Variants in CPED1 observed in about 807,000 individuals in gnomAD.
CPED1 encodes the protein cadherin like and PC-esterase domain containing 1.
Under a neutral mutation model 128.2 loss-of-function variants are expected in CPED1, and 114 were observed. That is an observed-to-expected ratio of 0.89 (90% CI 0.76 to 1.04). CPED1 has a LOEUF of 1.04. Among genes scored for constraint, CPED1 ranks in the 50% least tolerant of loss-of-function variants. The pLI, the probability that CPED1 is intolerant of heterozygous loss-of-function variation, is 0.00. For missense variants in CPED1, 1,211 were observed against 1,207.1 expected, an observed-to-expected ratio of 1.00 and a Z score of -0.05; for synonymous variants, 462 against 426.7, an observed-to-expected ratio of 1.08 and a Z score of -1.02.
chr7:121,097,741 G>A lies in CPED1; in HGVS notation c.659G>A (p.Gly220Glu). ...AGTCCCTCTGTGTGTCTGGATCAGG[G>A]AATGCAATTAAAGCCGAGTACTTCG... ...PVSPSVCLDQ[G>E]MQLKPSTSSH... The change falls in exon 6 of 23, where the codon GGA becomes GAA. Residue 220 changes from glycine (G) to glutamate (E), a missense_variant. Gly to Glu is a moderately conservative substitution (Grantham distance 98). Transcript: ENST00000310396. 1.9e-6 allele frequency: 3 copies of A among 1,613,824 alleles called. No homozygotes were observed. The highest frequency in any genetic ancestry group is 1.1e-5 in the South Asian group (1 of 91,074).
intron 5 of CPED1, among the ~76,000 whole-genome samples, chr7:121,085,139 T>C (rs1794390042): frequency 6.6e-6 from 1 of 152,200 alleles, no homozygotes; most frequent in Non-Finnish European, 1.5e-5. Context: ...ACACCACTGC[T>C]CATGCCCACC....
chr7:121,088,553 G>T (rs1794492206), intron 5 of CPED1, among the ~76,000 whole-genome samples: 1 of 151,372 alleles, frequency 6.6e-6, no homozygotes, highest in Non-Finnish European at 1.5e-5. Context: ...CAGCTACTCG[G>T]GAGGCTGAGG....
At chr7:121,032,176 G>T (rs1275893868) in intron 3 of CPED1, among the ~76,000 whole-genome samples, 1 of 152,070 alleles carries the variant, frequency 6.6e-6, no homozygotes, top group Non-Finnish European at 1.5e-5. Flanking sequence ...ACATTATAAA[G>T]TATATACCTA....
At chr7:121,125,638 A>G (rs1795484378) in intron 8 of CPED1, among the ~76,000 whole-genome samples, 182 bp from the exon 9 acceptor site, 2 of 151,580 alleles carry the variant, frequency 1.3e-5, no homozygotes, top group Non-Finnish European at 2.9e-5. Flanking sequence ...AAGTACTTGA[A>G]CTCATCCTTT....
At chr7:121,011,835 G>T (rs1792169248) in intron 2 of CPED1, among the ~76,000 whole-genome samples, 1 of 152,030 alleles carries the variant, frequency 6.6e-6, no homozygotes. Context: ...ATGCTTTTTA[G>T]GACATAGATC....
intron 22 of CPED1, among the ~76,000 whole-genome samples, chr7:121,295,095 A>G (rs6944409): frequency 0.016 from 2,351 of 151,318 alleles, 69 homozygotes; most frequent in African/African-American, 0.054. Context: ...TGCCTTTCCT[A>G]TTGTAGTACT....
At chr7:121,106,751 G>A (rs75319793) in intron 7 of CPED1, among the ~76,000 whole-genome samples, 2,769 of 152,174 alleles carry the variant, frequency 0.018, 87 homozygotes, top group African/African-American at 0.063. Flanking sequence ...AGCAAGTGTT[G>A]TTTCTCTGAA....
At position 120,999,247 on chromosome 7, in the gene CPED1, C is replaced by G. The variant is rs1791760319; in HGVS notation, c.249+9377C>G. 5.3e-5 allele frequency among the ~76,000 whole-genome samples: 8 copies of G among 152,130 alleles called. No individual in the cohort carries two copies. The South Asian group carries it at 1.7e-3, about 31-fold the overall frequency. ...CCTTGATCTCTTTACTGTACTATCT[C>G]TTGGACTTCTGGCTAATGGTAATCA... On this transcript the variant is annotated intron_variant, in intron 2 of 22. Coordinates refer to ENST00000310396, the MANE Select transcript of CPED1 (RefSeq NM_024913.5).
chr7:121,136,037 T>C lies in CPED1; in HGVS notation c.1649-3T>C. On this transcript the variant is annotated splice_region_variant and splice_polypyrimidine_tract_variant and intron_variant, in intron 13 of 22. Coordinates refer to ENST00000310396, the MANE Select transcript of CPED1 (RefSeq NM_024913.5). ...TTAAATTTACATTTCTTTTTTTTTT[T>C]AGCTGCAGTTCCACAAATTAAAAAT... is the stretch of plus-strand genomic sequence containing the variant. The C allele has an allele frequency of 1.3e-6, 2 of 1,519,728 alleles. No homozygotes were observed. Among genetic ancestry groups the C allele is most frequent in the Non-Finnish European group, 1.8e-6 (2 of 1,133,390 alleles). The allele number at this position is 1,519,728 out of a possible 1,614,324, so 94.1% of individuals were successfully genotyped here.
At chr7:121,177,199 G>T (rs1157738445) in intron 16 of CPED1, among the ~76,000 whole-genome samples, 1 of 151,986 alleles carries the variant, frequency 6.6e-6, no homozygotes. Context: ...CCTTGTGAGA[G>T]AGATGCAGGT....
At chr7:121,056,380 A>T (rs372089018) in intron 4 of CPED1, among the ~76,000 whole-genome samples, 2 of 152,214 alleles carry the variant, frequency 1.3e-5, no homozygotes, top group East Asian at 3.8e-4. Context: ...AAAGAAAAAA[A>T]CAACAAACAT....
chr7:120,994,824 T>C (rs1169620484), intron 2 of CPED1, among the ~76,000 whole-genome samples: 5 of 152,130 alleles, frequency 3.3e-5, no homozygotes, highest in African/African-American at 1.2e-4. Flanking sequence ...CATAAATACA[T>C]AAGTGTATTA....
At chr7:121,091,876 A>G (rs2116189562) in intron 5 of CPED1, among the ~76,000 whole-genome samples, 1 of 152,320 alleles carries the variant, frequency 6.6e-6, no homozygotes, top group East Asian at 1.9e-4. Context: ...AATATTATTT[A>G]GCAACTATCT....
At chr7:121,120,720 C>G (rs1218235700) in intron 7 of CPED1, among the ~76,000 whole-genome samples, 1 of 151,980 alleles carries the variant, frequency 6.6e-6, no homozygotes, top group Non-Finnish European at 1.5e-5. Flanking sequence ...TTCTATTCTT[C>G]AAAGGTTTTA....
chr7:121,267,914 GT>G (rs1004520259), intron 21 of CPED1, among the ~76,000 whole-genome samples: 70 of 152,064 alleles, frequency 4.6e-4, no homozygotes, highest in African/African-American at 1.5e-3. Flanking sequence ...ATATTTTTAT[GT>G]CTCTGTTGAG....
chr7:121,128,837 T>C (rs1795575299), intron 11 of CPED1, among the ~76,000 whole-genome samples: 1 of 152,148 alleles, frequency 6.6e-6, no homozygotes, highest in African/African-American at 2.4e-5. Flanking sequence ...TTCTGCTTAT[T>C]ATCCCCTTGT....
chr7:121,018,852 A>C (rs894122512), intron 3 of CPED1, among the ~76,000 whole-genome samples: 2 of 152,138 alleles, frequency 1.3e-5, no homozygotes, highest in African/African-American at 4.8e-5. Flanking sequence ...CACACGAAAA[A>C]CAAAATGCAA....
intron 7 of CPED1, among the ~76,000 whole-genome samples, chr7:121,122,055 G>T (rs567361735): frequency 6.6e-6 from 1 of 151,780 alleles, no homozygotes; most frequent in East Asian, 1.9e-4. Flanking sequence ...AAGCACTCGC[G>T]TGATTCTACT....
At chr7:121,179,037 A>G (rs1266370927) in intron 16 of CPED1, among the ~76,000 whole-genome samples, 1 of 152,060 alleles carries the variant, frequency 6.6e-6, no homozygotes, top group East Asian at 1.9e-4. Flanking sequence ...GGTCAGAGAT[A>G]TGGGAGGAGA....
Sources: gnomAD v4.1 joint callset for allele counts (sites outside exome capture counted in the v4.1 genomes callset) on GRCh38, gnomAD v4.1.1 for gene constraint, MANE v1.5 for transcripts, NCBI Gene and HGNC (gene_info 2026-07-23, HGNC 2026-07-21) for gene names.